Variants in NKAP observed in about 807,000 individuals in gnomAD.
NKAP encodes NFKB activating protein.
In NKAP, 4 loss-of-function variants were observed where a neutral mutation model predicts 35.6. The observed-to-expected ratio is 0.11, with a 90% confidence interval of 0.06 to 0.26. The LOEUF is 0.26. Among genes scored for constraint, NKAP ranks in the 10% least tolerant of loss-of-function variants. The pLI, the probability that NKAP is intolerant of heterozygous loss-of-function variation, is 1.00. For missense variants in NKAP, 238 were observed against 321.9 expected, an observed-to-expected ratio of 0.74 and a Z score of 1.99; for synonymous variants, 106 against 119.2, an observed-to-expected ratio of 0.89 and a Z score of 0.72.
chrX:119,933,610 A>G (rs1032123083), intron 5 of NKAP, among the ~76,000 whole-genome samples: 3 of 112,151 alleles, frequency 2.7e-5, no homozygotes, highest in African/African-American at 9.7e-5. Context: ...TAAACTACAG[A>G]AAAAACTGCT....
intron 2 of NKAP, 46 bp downstream of exon 2, chrX:119,938,684 A>T: frequency 1.1e-6 from 1 of 888,446 alleles, no homozygotes; most frequent in East Asian, 3.3e-5. Flanking sequence ...TTCAGGATTT[A>T]AACACATATT....
At chrX:119,933,344 C>T (rs747169146) in intron 5 of NKAP, among the ~76,000 whole-genome samples, 5 of 111,343 alleles carry the variant, frequency 4.5e-5, no homozygotes, top group Non-Finnish European at 9.4e-5. Context: ...ATTTTACAAC[C>T]CCTAATGAAA....
chrX:119,943,037 G>A lies in NKAP; in HGVS notation c.386+183C>T, dbSNP rs1459368888. 13 of 552,777 alleles carry A rather than the reference G, an allele frequency of 2.4e-5. No individual in the cohort carries two copies. In the South Asian group the frequency reaches 3.9e-4, roughly 17 times the overall value. 45.6% of individuals were successfully genotyped at this position (552,777 alleles called of 1,213,427 possible). ...CAGGGCACTATATGAAGGGGCCTGA[G>A]GGTAAGGGAAAATGAAAAGGACGAA... On this transcript the variant is annotated intron_variant, in intron 1 of 8. Coordinates refer to ENST00000371410, the MANE Select transcript of NKAP (RefSeq NM_024528.4).
rs1392718468 is a variant in NKAP, at chrX:119,943,725, C to G, written c.-120G>C. On this transcript the variant is annotated 5_prime_UTR_variant, in exon 1 of 9. Coordinates refer to ENST00000371410, the MANE Select transcript of NKAP (RefSeq NM_024528.4). ...CGGAACAGCCCAAATCTGAGGAAAC[C>G]TTGGACACAGTTCTGGGTACTTCTG... The G allele has an allele frequency of 5.8e-6, 5 of 863,043 alleles. No individual in the cohort carries two copies. The Admixed American group carries it at 1.6e-4, about 28-fold the overall frequency. 71.1% of individuals were successfully genotyped at this position (863,043 alleles called of 1,213,427 possible). A position where few individuals can be genotyped will look rare whatever the true frequency, so the allele number is the denominator to read the frequency against.
chrX:119,943,283 T>G lies in NKAP; in HGVS notation c.323A>C (p.Tyr108Ser). ...SVYYGSYSRP[Y>S]GSDKPWPSLL... ...GCTAGGCCAAGGCTTGTCGCTCCCG[T>G]AGGGGCGCGAGTAGCTGCCGTAATA... The change falls in exon 1 of 9, where the codon TAC (tyrosine) becomes TCC (serine). Residue 108 changes from tyrosine (Y) to serine (S), a missense_variant. Tyr to Ser is a moderately radical substitution (Grantham distance 144). This residue lies in a region of NKAP where 123 missense variants were observed against 115.3 expected (regional missense o/e 1.07). Transcript: ENST00000371410. 8.3e-7 allele frequency: 1 copy of G among 1,210,434 alleles called. No homozygotes were observed. The highest frequency in any genetic ancestry group is 1.1e-6 in the Non-Finnish European group (1 of 894,813).
intron 5 of NKAP, among the ~76,000 whole-genome samples, chrX:119,933,584 T>G (rs2080009500): frequency 8.9e-6 from 1 of 112,220 alleles, no homozygotes; most frequent in African/African-American, 3.2e-5. Flanking sequence ...GGACATTATT[T>G]GGATCCTGAT....
chrX:119,928,949 T>C (rs1356840542), intron 8 of NKAP, among the ~76,000 whole-genome samples: 1 of 110,661 alleles, frequency 9.0e-6, no homozygotes. Context: ...CAGGCTGGCA[T>C]GCAGTGGTGT....
At chrX:119,930,472 T>C (rs774402625) in intron 7 of NKAP, among the ~76,000 whole-genome samples, 7 of 112,255 alleles carry the variant, frequency 6.2e-5, no homozygotes, top group Non-Finnish European at 1.1e-4. Flanking sequence ...CCTACAGGTA[T>C]TGTCATTACT....
Position 119,936,421 on chromosome X carries a change from CT to C in NKAP, c.548del (p.Lys183ArgfsTer108). 1 of 1,144,112 alleles carries C rather than the reference CT, an allele frequency of 8.7e-7. No individual in the cohort carries two copies. 94.3% of individuals were successfully genotyped at this position (1,144,112 alleles called of 1,213,427 possible). A position where few individuals can be genotyped will look rare whatever the true frequency, so the allele number is the denominator to read the frequency against. ...TTTCTTTTGAACGGCTAGACTTCTTCTTTTTTTCTTCTAAGAAAGTACAAAT... is the reference window on the plus strand; with the variant it reads ...TTTCTTTTGAACGGCTAGACTTCTTCTTTTTTCTTCTAAGAAAGTACAAAT... ...TSASTSEEEK[K>X]KKSSRSKERS... On this transcript the variant is annotated frameshift_variant, in exon 4 of 9. Coordinates refer to ENST00000371410, the MANE Select transcript of NKAP (RefSeq NM_024528.4). LOFTEE classifies it high-confidence loss of function.
rs773051677 is a variant in NKAP at position 119,943,318 on chromosome X, G to A, written c.288C>T (p.Ser96=). The change falls in exon 1 of 9, where the codon TCC becomes TCT. Residue 96 remains serine (S), a synonymous_variant. Transcript: ENST00000371410. ...APRGIPFASA[S]SSVYYGSYSR... is the part of the protein sequence containing the mutation. ...AGTAGCTGCCGTAATAGACTGACGA[G>A]GAGGCAGAAGCGAAGGGGATGCCCC... The A allele has an allele frequency of 8.3e-7, 1 of 1,211,066 alleles. No individual in the cohort carries two copies. The highest frequency in any genetic ancestry group is 1.7e-5 in the African/African-American group (1 of 57,661).
Position 119,925,005 on chromosome X carries a change from C to A in NKAP, c.*215G>T, listed in dbSNP as rs1448209109. On this transcript the variant is annotated 3_prime_UTR_variant, in exon 9 of 9. Transcript: ENST00000371410. ...CCAGCCCATAATTTGGATTTTTAAA[C>A]CAGAAAGTTACTATGGTCAATCCAA... is the stretch of plus-strand genomic sequence containing the variant. 3.3e-5 allele frequency: 14 copies of A among 418,911 alleles called. No individual in the cohort carries two copies. In the East Asian group the frequency reaches 5.7e-4, roughly 17 times the overall value. The allele number at this position is 418,911 out of a possible 1,213,427, so 34.5% of individuals were successfully genotyped here.
At chrX:119,925,929 CTTTT>C (rs1305744041) in intron 8 of NKAP, among the ~76,000 whole-genome samples, 1 of 46,436 alleles carries the variant, frequency 2.2e-5, no homozygotes, top group Non-Finnish European at 3.9e-5. Context: ...ATCCTTTTTT[CTTTT>C]TTTTTTTTTT....
chrX:119,934,621 T>C (rs1056504214), intron 4 of NKAP, 64 bp from the exon 5 acceptor site: 9 of 765,201 alleles, frequency 1.2e-5, no homozygotes, highest in Middle Eastern at 3.5e-4. Context: ...GTAGTACTTT[T>C]GAGTAGGTAA....
chrX:119,924,968 G>A lies in NKAP; in HGVS notation c.*252C>T, dbSNP rs766273037. The stretch of plus-strand genomic sequence containing the variant: ...CCCAAAGTGCTGGGATTACAGGCGT[G>A]AGCAACCGTGCCCAGCCCATAATTT... On this transcript the variant is annotated 3_prime_UTR_variant, in exon 9 of 9. Transcript: ENST00000371410. 61 of 329,860 alleles carry A rather than the reference G, an allele frequency of 1.8e-4. No homozygotes were observed. Among genetic ancestry groups the A allele is most frequent in the South Asian group, 1.5e-3 (33 of 21,939 alleles). 27.2% of individuals were successfully genotyped at this position (329,860 alleles called of 1,213,427 possible).
chrX:119,936,418 C>T lies in NKAP; in HGVS notation c.552G>A (p.Lys184=). 1 of 1,152,572 alleles carries T rather than the reference C, an allele frequency of 8.7e-7. No individual in the cohort carries two copies. The highest frequency in any genetic ancestry group is 1.2e-6 in the Non-Finnish European group (1 of 863,801). The allele number at this position is 1,152,572 out of a possible 1,213,427, so 95.0% of individuals were successfully genotyped here. Reference sequence around the variant, plus strand: ...ACCTTTCTTTTGAACGGCTAGACTTCTTCTTTTTTTCTTCTAAGAAAGTAC... The same window carrying T: ...ACCTTTCTTTTGAACGGCTAGACTTTTTCTTTTTTTCTTCTAAGAAAGTAC... ...SASTSEEEKK[K]KSSRSKERSK... is the part of the protein sequence containing the mutation. Residue 184 remains lysine, a synonymous_variant, in exon 4 of 9, where the codon AAG becomes AAA. Transcript: ENST00000371410.
At chrX:119,939,618 G>A (rs1477665768) in intron 1 of NKAP, among the ~76,000 whole-genome samples, 1 of 111,385 alleles carries the variant, frequency 9.0e-6, no homozygotes, top group Non-Finnish European at 1.9e-5. Context: ...AGGTCTTGCC[G>A]CCAGGTGCGG....
rs754628029 is a variant in NKAP at position 119,943,502 on chromosome X, C to T, written c.104G>A (p.Arg35His). The T allele has an allele frequency of 1.7e-6, 2 of 1,211,339 alleles. No individual in the cohort carries two copies. The highest frequency in any genetic ancestry group is 2.2e-6 in the Non-Finnish European group (2 of 895,174). Residue 35 changes from arginine (R) to histidine (H), a missense_variant, in exon 1 of 9, where the codon CGC (arginine) becomes CAC (histidine). Physicochemically the swap from Arg to His is conservative, Grantham distance 29 (BLOSUM62 0). This residue lies in a region of NKAP where 123 missense variants were observed against 115.3 expected (regional missense o/e 1.07). Transcript: ENST00000371410. The stretch of plus-strand genomic sequence containing the variant: ...GCGAGAGCGGCGGCCCCGCGGGGAG[C>T]GGGCAGATTTGCTGGGCTTCGGACT... ...SKSPKPSKSA[R>H]SPRGRRSRSH...
At chrX:119,943,135 G>A in intron 1 of NKAP, 85 bp downstream of exon 1, 1 of 1,086,789 alleles carries the variant, frequency 9.2e-7, no homozygotes, top group Admixed American at 3.0e-5. Context: ...AGCGAAATGC[G>A]AATAGTCAGA....
At position 119,925,309 on chromosome X, in the gene NKAP, G is replaced by C; in HGVS notation, c.1159C>G (p.Gln387Glu). ...DEKRALASFNQEERRKRENKI... is the reference protein window; with the variant it reads ...DEKRALASFNEEERRKRENKI... Reference sequence around the variant, plus strand: ...TTCTCTCTCTTTCGTCTCTCTTCTTGGTTAAAGGATGCAAGGGCTCTCTTC... The same window carrying C: ...TTCTCTCTCTTTCGTCTCTCTTCTTCGTTAAAGGATGCAAGGGCTCTCTTC... The change falls in exon 9 of 9, where the codon CAA becomes GAA. Residue 387 changes from glutamine to glutamate, a missense_variant. By Grantham distance (29) the Gln-to-Glu change is conservative. Around this residue, in one of 5 missense-constraint regions of NKAP, gnomAD observed 12 missense variants for 20.6 expected, o/e 0.58. Transcript: ENST00000371410. 1 of 1,210,801 alleles carries C rather than the reference G, an allele frequency of 8.3e-7. No individual in the cohort carries two copies.
Sources: allele counts gnomAD v4.1 joint callset (sites outside exome capture counted in the v4.1 genomes callset), GRCh38; gene constraint gnomAD v4.1.1; regional missense constraint gnomAD v4.1.1; transcripts MANE v1.5; gene names NCBI Gene and HGNC (gene_info 2026-07-23, HGNC 2026-07-21).